NUBPL: variants seen among roughly 807,000 people sequenced by gnomAD.
NUBPL encodes the protein NUBP iron-sulfur cluster assembly factor, mitochondrial, also known as iron-sulfur cluster transfer protein NUBPL.
Under a neutral mutation model 45.7 loss-of-function variants are expected in NUBPL, and 31 were observed. That is an observed-to-expected ratio of 0.68 (90% CI 0.51 to 0.92). NUBPL has a LOEUF of 0.92. NUBPL is among the 40% of genes least tolerant of loss of function. NUBPL has a pLI of 0.00. For synonymous variants in NUBPL, 144 were observed against 140.9 expected, an observed-to-expected ratio of 1.02 and a Z score of -0.15; for missense variants, 401 against 398.7, an observed-to-expected ratio of 1.01 and a Z score of -0.05.
chr14:31,857,378 T>A (rs1354899236), intron 10 of NUBPL, among the ~76,000 whole-genome samples: 1 of 152,186 alleles, frequency 6.6e-6, no homozygotes, highest in African/African-American at 2.4e-5. Context: ...GAGGCTGCCA[T>A]GAAGACCTCT....
intron 4 of NUBPL, among the ~76,000 whole-genome samples, chr14:31,667,068 T>A (rs2036449729): frequency 6.6e-6 from 1 of 151,848 alleles, no homozygotes. Flanking sequence ...TAGTAGTGTT[T>A]GTATTTCCTG....
At chr14:31,628,058 G>A (rs2139653571) in intron 4 of NUBPL, among the ~76,000 whole-genome samples, 1 of 152,258 alleles carries the variant, frequency 6.6e-6, no homozygotes, top group East Asian at 1.9e-4. Flanking sequence ...CTGTTGTAAG[G>A]TGTTGTTTTG....
intron 6 of NUBPL, among the ~76,000 whole-genome samples, chr14:31,689,278 C>T (rs2037038511): frequency 6.6e-6 from 1 of 152,168 alleles, no homozygotes; most frequent in African/African-American, 2.4e-5. Context: ...TTTACACTCC[C>T]ATCAACAGTG....
intron 3 of NUBPL, among the ~76,000 whole-genome samples, chr14:31,585,458 T>C (rs2033971407): frequency 6.6e-6 from 1 of 152,216 alleles, no homozygotes; most frequent in Non-Finnish European, 1.5e-5. Flanking sequence ...TCGATGGACA[T>C]TGGAGTTGTT....
chr14:31,732,635 G>A (rs2038077657), intron 6 of NUBPL, among the ~76,000 whole-genome samples: 3 of 92,538 alleles, frequency 3.2e-5, no homozygotes, highest in East Asian at 3.6e-4. Context: ...TTTTTGAGAT[G>A]GAGTCTCACT....
At chr14:31,695,305 T>C in intron 6 of NUBPL, among the ~76,000 whole-genome samples, 1 of 152,080 alleles carries the variant, frequency 6.6e-6, no homozygotes. Context: ...ACTGTGATGA[T>C]GAGTACTTAT....
At chr14:31,801,678 TC>T (rs1218500712) in intron 7 of NUBPL, among the ~76,000 whole-genome samples, 2 of 152,252 alleles carry the variant, frequency 1.3e-5, no homozygotes, top group African/African-American at 4.8e-5. Context: ...AGAAAAAAGT[TC>T]CCCTTCACTT....
intron 3 of NUBPL, among the ~76,000 whole-genome samples, chr14:31,573,400 G>T (rs528139539): frequency 6.6e-6 from 1 of 152,134 alleles, no homozygotes; most frequent in Non-Finnish European, 1.5e-5. Context: ...TCACCAGCTT[G>T]CATATCTCTC....
intron 6 of NUBPL, among the ~76,000 whole-genome samples, chr14:31,716,332 T>G (rs1204650056): frequency 1.3e-5 from 2 of 152,232 alleles, no homozygotes; most frequent in African/African-American, 4.8e-5. Flanking sequence ...ATTATCATCA[T>G]CACCATCACC....
intron 7 of NUBPL, among the ~76,000 whole-genome samples, chr14:31,792,185 C>G (rs920415032): frequency 2.0e-5 from 3 of 152,126 alleles, no homozygotes; most frequent in Admixed American, 1.3e-4. Flanking sequence ...TAGCCCTAAT[C>G]CATTAAAATT....
chr14:31,600,692 A>T (rs1210256985), intron 4 of NUBPL, among the ~76,000 whole-genome samples: 1 of 151,902 alleles, frequency 6.6e-6, no homozygotes, highest in African/African-American at 2.4e-5. Flanking sequence ...ATTTTCTCCC[A>T]TTTTGTAGGT....
chr14:31,680,224 T>C (rs7151198), intron 6 of NUBPL, among the ~76,000 whole-genome samples: 24,850 of 152,126 alleles, frequency 0.16, 5,791 homozygotes, highest in African/African-American at 0.52. Context: ...TTAAATTTGA[T>C]TTTCTGGTAT....
chr14:31,792,781 ATG>A (rs1235588039), intron 7 of NUBPL, among the ~76,000 whole-genome samples: 1 of 152,172 alleles, frequency 6.6e-6, no homozygotes, highest in Non-Finnish European at 1.5e-5. Flanking sequence ...GATTGTGTCT[ATG>A]TGTGTGTTAA....
At chr14:31,616,082 A>G (rs2034891369) in intron 4 of NUBPL, among the ~76,000 whole-genome samples, 1 of 152,182 alleles carries the variant, frequency 6.6e-6, no homozygotes. Context: ...TGTTGGCCAC[A>G]TGAATGTCTT....
At chr14:31,630,454 AC>A (rs1166562707) in intron 4 of NUBPL, among the ~76,000 whole-genome samples, 1 of 152,194 alleles carries the variant, frequency 6.6e-6, no homozygotes, top group African/African-American at 2.4e-5. Flanking sequence ...TTAGTTGGTG[AC>A]CTAGTCTTTG....
intron 2 of NUBPL, among the ~76,000 whole-genome samples, chr14:31,563,348 T>G (rs2033350642): frequency 6.6e-6 from 1 of 152,222 alleles, no homozygotes; most frequent in African/African-American, 2.4e-5. Context: ...ATTGTTTGTT[T>G]ATTATTTTTA....
At chr14:31,638,495 G>A (rs1486354910) in intron 4 of NUBPL, among the ~76,000 whole-genome samples, 3 of 151,772 alleles carry the variant, frequency 2.0e-5, no homozygotes, top group African/African-American at 7.3e-5. Context: ...TGGGTAACCC[G>A]ACCTTTCTCT....
chr14:31,700,954 C>T (rs974991718), intron 6 of NUBPL, among the ~76,000 whole-genome samples: 1 of 152,168 alleles, frequency 6.6e-6, no homozygotes, highest in Non-Finnish European at 1.5e-5. Context: ...GCGGGACTGG[C>T]GGGCAGCTCC....
Position 31,599,277 on chromosome 14 carries a change from AT to A in NUBPL, c.292-5del, listed in dbSNP as rs772038478. ...TTTGTTTTGTTTTATATTTTTATTT[AT>A]TTTTTTACAGTCCAAGGCCATTGGT... On this transcript the variant is annotated splice_polypyrimidine_tract_variant and intron_variant, in intron 3 of 10. Transcript: ENST00000281081. The A allele has an allele frequency of 8.2e-6, 13 of 1,587,606 alleles. No homozygotes were observed. In the East Asian group the frequency reaches 1.8e-4, roughly 22 times the overall value.
Sources: gnomAD v4.1 joint callset for allele counts (sites outside exome capture counted in the v4.1 genomes callset) on GRCh38, gnomAD v4.1.1 for gene constraint, MANE v1.5 for transcripts, NCBI Gene and HGNC (gene_info 2026-07-23, HGNC 2026-07-21) for gene names.